Variants in CACNA1G observed in about 807,000 individuals in gnomAD.
CACNA1G encodes the protein voltage-dependent T-type calcium channel subunit alpha-1G.
A neutral mutation model predicts 219.4 loss-of-function variants in CACNA1G; 67 were observed. The ratio of observed to expected loss-of-function variants is 0.31; its 90% CI spans 0.25 to 0.37. CACNA1G has a LOEUF of 0.37. CACNA1G is among the 10% of genes least tolerant of loss of function. The pLI, the probability that CACNA1G is intolerant of heterozygous loss-of-function variation, is 1.00. For synonymous variants in CACNA1G, 1,296 were observed against 1,345.3 expected, an observed-to-expected ratio of 0.96 and a Z score of 0.80; for missense variants, 2,380 against 3,231.4, an observed-to-expected ratio of 0.74 and a Z score of 6.39.
chr17:50,626,679 C>G lies in CACNA1G; in HGVS notation c.7062C>G (p.Ala2354=). 6.2e-7 allele frequency: 1 copy of G among 1,613,280 alleles called. No homozygotes were observed. Among genetic ancestry groups the G allele is most frequent in the South Asian group, 1.1e-5 (1 of 91,072 alleles). The part of the protein sequence containing the change: ...LASGPPDSMA[A]SPSPKKDVLS... ...CTGGCCCCCCTGACAGCATGGCTGC[C>G]TCGCCCTCCCCAAAGAAAGATGTGC... Residue 2354 remains alanine, a synonymous_variant, in exon 38 of 38, where the codon GCC becomes GCG. Transcript: ENST00000359106. This position sits in a 1 kb window ranked among gnomAD's most constrained non-coding sequence, Gnocchi z 4.3.
chr17:50,608,283 T>G (rs994828540), intron 25 of CACNA1G, among the ~76,000 whole-genome samples: 7 of 152,024 alleles, frequency 4.6e-5, no homozygotes, highest in Admixed American at 1.3e-4. Context: ...CCCCAGATGA[T>G]GCCAAATGGA....
In CACNA1G at chr17:50,595,448, G is replaced by A. The variant is rs371802367; in HGVS notation, c.2979+387G>A. Among the ~76,000 whole-genome samples, 8 of 152,356 alleles carry A rather than the reference G, an allele frequency of 5.3e-5. No homozygotes were observed. The East Asian group carries it at 7.7e-4, about 15-fold the overall frequency. On this transcript the variant is annotated intron_variant, in intron 14 of 37. Coordinates refer to ENST00000359106, the MANE Select transcript of CACNA1G (RefSeq NM_018896.5). ...GCTTCAGTGGAGTCAAGATCTGGCC[G>A]TAGACCATACTCCCCCATCTCCCAC... is the stretch of plus-strand genomic sequence containing the variant.
intron 11 of CACNA1G, 40 bp downstream of exon 11, chr17:50,591,660 C>T: frequency 6.2e-7 from 1 of 1,610,112 alleles, no homozygotes; most frequent in Non-Finnish European, 8.5e-7. Flanking sequence ...AGAGACCGGC[C>T]AGGCTGGGGG....
At chr17:50,590,290 G>A (rs2044007750) in intron 9 of CACNA1G, among the ~76,000 whole-genome samples, 181 bp from the exon 10 acceptor site, 1 of 152,100 alleles carries the variant, frequency 6.6e-6, no homozygotes, top group Non-Finnish European at 1.5e-5. Context: ...CCCTGCCCCT[G>A]GGTGCATTTC....
chr17:50,625,574 G>A (rs550793175), intron 37 of CACNA1G, among the ~76,000 whole-genome samples: 22 of 152,304 alleles, frequency 1.4e-4, no homozygotes, highest in Admixed American at 1.2e-3. Flanking sequence ...GACAGAGACT[G>A]TCACACACTG....
intron 1 of CACNA1G, among the ~76,000 whole-genome samples, chr17:50,567,338 G>A (rs966019491): frequency 2.0e-5 from 3 of 152,178 alleles, no homozygotes; most frequent in African/African-American, 7.2e-5. Context: ...GAGCAGGCAT[G>A]TGAGTCTAGG....
Position 50,626,989 on chromosome 17 carries a change from C to T in CACNA1G, c.*238C>T, listed in dbSNP as rs1175046834. ...GGCCCGGTGCAGCTGAGGTTCCCGA[C>T]ACCAGAAGCTGTTGGGAGAAAGCAA... On this transcript the variant is annotated 3_prime_UTR_variant, in exon 38 of 38. Coordinates refer to ENST00000359106, the MANE Select transcript of CACNA1G (RefSeq NM_018896.5). This position sits in a 1 kb window ranked among gnomAD's most constrained non-coding sequence, Gnocchi z 4.3. 2.9e-6 allele frequency: 2 copies of T among 682,218 alleles called. No individual in the cohort carries two copies. The allele number at this position is 682,218 out of a possible 1,614,324, so 42.3% of individuals were successfully genotyped here.
At chr17:50,589,912 C>CTCTCTCTGTGTG (rs1326523232) in intron 9 of CACNA1G, among the ~76,000 whole-genome samples, 24 of 141,924 alleles carry the variant, frequency 1.7e-4, no homozygotes, top group African/African-American at 6.5e-4. Flanking sequence ...CTCTCTCTCT[C>CTCTCTCTGTGTG]TGTGTGTGTG....
At position 50,561,252 on chromosome 17, in the gene CACNA1G, G is replaced by T; in HGVS notation, c.-208G>T. 1.8e-6 allele frequency: 1 copy of T among 565,232 alleles called. No individual in the cohort carries two copies. Among genetic ancestry groups the T allele is most frequent in the South Asian group, 2.2e-5 (1 of 45,192 alleles). The allele number at this position is 565,232 out of a possible 1,614,324, so 35.0% of individuals were successfully genotyped here. A position where few individuals can be genotyped will look rare whatever the true frequency, so the allele number is the denominator to read the frequency against. Reference sequence around the variant, plus strand: ...GGGAAGCGGGACTCGCGCCGGGCGGGGTTTCCCTGCGCCCCGGCGCCCCGC... The same window carrying T: ...GGGAAGCGGGACTCGCGCCGGGCGGTGTTTCCCTGCGCCCCGGCGCCCCGC... On this transcript the variant is annotated 5_prime_UTR_variant, in exon 1 of 38. Transcript: ENST00000359106.
At chr17:50,591,668 G>T (rs774079077) in intron 11 of CACNA1G, 48 bp downstream of exon 11, 10 of 1,609,606 alleles carry the variant, frequency 6.2e-6, no homozygotes, top group Non-Finnish European at 7.6e-6. Flanking sequence ...GCCAGGCTGG[G>T]GGCAGGAGGG....
At chr17:50,592,366 C>T (rs961383915) in intron 13 of CACNA1G, among the ~76,000 whole-genome samples, 1 of 152,210 alleles carries the variant, frequency 6.6e-6, no homozygotes, top group Non-Finnish European at 1.5e-5. Flanking sequence ...TAGACCCCTT[C>T]CCCAGAGAGG....
At chr17:50,588,619 G>A (rs2043500921) in intron 9 of CACNA1G, among the ~76,000 whole-genome samples, 1 of 152,184 alleles carries the variant, frequency 6.6e-6, no homozygotes, top group Non-Finnish European at 1.5e-5. Flanking sequence ...GGGCTAACCA[G>A]GTCAGGTGGC....
At chr17:50,583,338 C>T (rs1348747292) in intron 9 of CACNA1G, among the ~76,000 whole-genome samples, 1 of 152,144 alleles carries the variant, frequency 6.6e-6, no homozygotes, top group Non-Finnish European at 1.5e-5. Context: ...CTAAGGTGTT[C>T]TCTTGTTCTT....
intron 34 of CACNA1G, among the ~76,000 whole-genome samples, chr17:50,620,681 TG>T (rs2051645988): frequency 6.6e-6 from 1 of 152,078 alleles, no homozygotes; most frequent in East Asian, 1.9e-4. Context: ...TTTTGGGTGG[TG>T]GGGCAGGCAG....
chr17:50,596,997 A>T lies in CACNA1G; in HGVS notation c.3258+74A>T, dbSNP rs560651850. On this transcript the variant is annotated intron_variant, in intron 16 of 37. Coordinates refer to ENST00000359106, the MANE Select transcript of CACNA1G (RefSeq NM_018896.5). The surrounding 1 kb of genome is among the most constrained non-coding windows in gnomAD (Gnocchi z 4.8). The stretch of plus-strand genomic sequence containing the variant: ...GACAGGAGGAAGAGAGGATGGAGGC[A>T]GGCGGGTCCAAGGGCACAGCCCCTG... The T allele has an allele frequency of 9.2e-5, 125 of 1,363,028 alleles. No homozygotes were observed. In the African/African-American group the frequency reaches 1.7e-3, roughly 19 times the overall value. The allele number at this position is 1,363,028 out of a possible 1,614,324, so 84.4% of individuals were successfully genotyped here. A position where few individuals can be genotyped will look rare whatever the true frequency, so the allele number is the denominator to read the frequency against.
At chr17:50,606,223 C>T (rs775927742) in intron 23 of CACNA1G, 200 bp downstream of exon 23, 2 of 771,192 alleles carry the variant, frequency 2.6e-6, no homozygotes, top group Non-Finnish European at 4.7e-6. Flanking sequence ...CCCATGGGGT[C>T]TCTAGCCGTC....
Position 50,626,041 on chromosome 17 carries a change from G to A in CACNA1G, c.6424G>A (p.Asp2142Asn). The change falls in exon 38 of 38, where the codon GAC becomes AAC. Residue 2142 changes from aspartate to asparagine, a missense_variant. By Grantham distance (23) the Asp-to-Asn change is conservative. Coordinates refer to ENST00000359106, the MANE Select transcript of CACNA1G (RefSeq NM_018896.5). The surrounding 1 kb of genome is among the most constrained non-coding windows in gnomAD (Gnocchi z 4.3). The part of the protein sequence containing the change: ...RQAAIRTDSL[D>N]VQGLGSREDL... ...GGCAGCAATAAGGACTGACTCCTTGGACGTTCAGGGTCTGGGCAGCCGGGA... is the reference window on the plus strand; with the variant it reads ...GGCAGCAATAAGGACTGACTCCTTGAACGTTCAGGGTCTGGGCAGCCGGGA... 1 of 1,612,402 alleles carries A rather than the reference G, an allele frequency of 6.2e-7. No homozygotes were observed. Among genetic ancestry groups the A allele is most frequent in the Non-Finnish European group, 8.5e-7 (1 of 1,179,058 alleles).
intron 1 of CACNA1G, among the ~76,000 whole-genome samples, chr17:50,562,590 G>A (rs1346901221): frequency 6.6e-6 from 1 of 152,156 alleles, no homozygotes; most frequent in Non-Finnish European, 1.5e-5. Flanking sequence ...TTTTTAGCAA[G>A]TGGGGGATGG....
chr17:50,565,145 G>GCA lies in CACNA1G; in HGVS notation c.242+3457_242+3458dup, dbSNP rs754507011. ...CGCACGCGCGCGCACACACACACGC[G>GCA]CACACACACACACAGAGTCACAGAC... On this transcript the variant is annotated intron_variant, in intron 1 of 37. Coordinates refer to ENST00000359106, the MANE Select transcript of CACNA1G (RefSeq NM_018896.5). 1.6e-4 allele frequency among the ~76,000 whole-genome samples: 22 copies of GCA among 137,444 alleles called. No individual in the cohort carries two copies. The East Asian group carries it at 2.8e-3, about 18-fold the overall frequency. The allele number at this position is 137,444 out of a possible 152,430, so 90.2% of individuals were successfully genotyped here. A position where few individuals can be genotyped will look rare whatever the true frequency, so the allele number is the denominator to read the frequency against.
Sources: allele counts gnomAD v4.1 joint callset (sites outside exome capture counted in the v4.1 genomes callset), GRCh38; gene constraint gnomAD v4.1.1; non-coding constraint Gnocchi (gnomAD v3.1); transcripts MANE v1.5; gene names NCBI Gene and HGNC (gene_info 2026-07-23, HGNC 2026-07-21).